Variants in ZNF385D observed in about 807,000 individuals in gnomAD.
The protein encoded by ZNF385D is zinc finger protein 659.
ZNF385D carries 15 observed loss-of-function variants against 35.8 expected under a neutral mutation model. The observed-to-expected ratio is 0.42, with a 90% CI of 0.28 to 0.64. ZNF385D has a LOEUF of 0.64. Among genes scored for constraint, ZNF385D ranks in the 30% least tolerant of loss-of-function variants. The probability of loss-of-function intolerance (pLI) is 0.23; values close to 1 mark genes in which losing one functional copy is unlikely to be tolerated. For synonymous variants in ZNF385D, 212 were observed against 186.8 expected (o/e 1.13, Z -1.10); for missense variants, 474 against 494.6 (o/e 0.96, Z 0.39).
At chr3:21,471,303 ACACAC>A (rs1559323736) in intron 4 of ZNF385D, among the ~76,000 whole-genome samples, 2 of 64,052 alleles carry the variant, frequency 3.1e-5, no homozygotes, top group African/African-American at 8.3e-5. Context: ...TCTCACACAC[ACACAC>A]ACACACACAC....
At chr3:21,950,055 C>A (rs144610034) in intron 3 of ZNF385D, among the ~76,000 whole-genome samples, 13,535 of 151,948 alleles carry the variant, frequency 0.089, 1,203 homozygotes, top group African/African-American at 0.22. Context: ...GATTTATAAT[C>A]CTTTGGGTAT....
chr3:21,702,896 T>C (rs2067744181), intron 1 of ZNF385D, among the ~76,000 whole-genome samples: 1 of 152,180 alleles, frequency 6.6e-6, no homozygotes, highest in African/African-American at 2.4e-5. Context: ...ATTGTTCATA[T>C]CACTATAAGC....
chr3:21,891,796 G>C (rs1698882463), intron 3 of ZNF385D, among the ~76,000 whole-genome samples: 1 of 152,138 alleles, frequency 6.6e-6, no homozygotes, highest in South Asian at 2.1e-4. Flanking sequence ...TATTTTTAAA[G>C]TTCTGAAGAC....
At chr3:21,755,795 T>G (rs2070313809), upstream of ZNF385D, among the ~76,000 whole-genome samples, 1 of 152,196 alleles carries the variant, frequency 6.6e-6, no homozygotes, top group Non-Finnish European at 1.5e-5. Flanking sequence ...TTGAATAAAT[T>G]TAACATCTTA....
At chr3:21,492,529 T>G (rs1409577010) in intron 4 of ZNF385D, among the ~76,000 whole-genome samples, 1 of 149,594 alleles carries the variant, frequency 6.7e-6, no homozygotes, top group Non-Finnish European at 1.5e-5. Flanking sequence ...AAACCTGTAA[T>G]CCCAGCACTT....
intron 2 of ZNF385D, among the ~76,000 whole-genome samples, chr3:21,581,298 C>T (rs143952595): frequency 1.6e-4 from 25 of 152,192 alleles, no homozygotes; most frequent in African/African-American, 6.0e-4. Context: ...ATGTATAATT[C>T]CTATCTCTCC....
chr3:22,198,155 ATATT>A (rs1376027224), intron 2 of ZNF385D, among the ~76,000 whole-genome samples: 1 of 151,480 alleles, frequency 6.6e-6, no homozygotes, highest in Non-Finnish European at 1.5e-5. Flanking sequence ...GGTTATGAGA[ATATT>A]TAAGACAAGA....
At chr3:22,116,002 A>C (rs1702791556) in intron 3 of ZNF385D, among the ~76,000 whole-genome samples, 1 of 152,048 alleles carries the variant, frequency 6.6e-6, no homozygotes, top group Non-Finnish European at 1.5e-5. Flanking sequence ...CTGGGGATAA[A>C]CTTTTACATC....
intron 2 of ZNF385D, among the ~76,000 whole-genome samples, chr3:22,278,672 C>G (rs1293014804): frequency 6.6e-6 from 1 of 152,100 alleles, no homozygotes; most frequent in African/African-American, 2.4e-5. Context: ...CATTTTCCCT[C>G]CTTGACACTC....
intron 3 of ZNF385D, among the ~76,000 whole-genome samples, chr3:22,080,882 C>T (rs73047985): frequency 0.15 from 22,913 of 151,996 alleles, 2,416 homozygotes; most frequent in Non-Finnish European, 0.21. Context: ...CTATGAACCA[C>T]GAAACAGACA....
At chr3:21,894,109 G>C (rs2125886580) in intron 3 of ZNF385D, among the ~76,000 whole-genome samples, 1 of 152,158 alleles carries the variant, frequency 6.6e-6, no homozygotes, top group Non-Finnish European at 1.5e-5. Flanking sequence ...TTTTAAACTT[G>C]CATAGTCATA....
intron 1 of ZNF385D, among the ~76,000 whole-genome samples, chr3:21,734,534 G>A (rs1165166949): frequency 6.6e-6 from 1 of 151,482 alleles, no homozygotes; most frequent in Non-Finnish European, 1.5e-5. Context: ...TGGAAATACA[G>A]TGGGGAAAAA....
At chr3:21,456,487 CA>C (rs1193803257) in intron 4 of ZNF385D, among the ~76,000 whole-genome samples, 3 of 151,900 alleles carry the variant, frequency 2.0e-5, no homozygotes, top group Admixed American at 2.0e-4. Context: ...GTCACAAGGA[CA>C]AAAAACCAAA....
At position 21,421,624 on chromosome 3, in the gene ZNF385D, A is replaced by G. The variant is rs185974853; in HGVS notation, c.955-177T>C. 7.5e-4 allele frequency among the ~76,000 whole-genome samples: 114 copies of G among 152,348 alleles called. 1 individual carries two copies. In the Middle Eastern group the frequency reaches 0.02, roughly 27 times the overall value. On this transcript the variant is annotated intron_variant, in intron 7 of 7. Transcript: ENST00000281523. ...GTATAGAACATTTTCCCTTTGGAAGAGTTGGAAGATACCTGAAAATGGCCA... is the reference window on the plus strand; with the variant it reads ...GTATAGAACATTTTCCCTTTGGAAGGGTTGGAAGATACCTGAAAATGGCCA...
At chr3:22,210,832 T>A (rs1311809005) in intron 2 of ZNF385D, among the ~76,000 whole-genome samples, 1 of 151,858 alleles carries the variant, frequency 6.6e-6, no homozygotes, top group Non-Finnish European at 1.5e-5. Context: ...GGCCAAAATA[T>A]ACTCTAAGTC....
Position 21,770,107 on chromosome 3 carries a change from C to A in ZNF385D, c.326-105079G>T, listed in dbSNP as rs924825559. On this transcript the variant is annotated intron_variant, in intron 3 of 5. Coordinates refer to the ZNF385D transcript ENST00000494108. Reference sequence around the variant, plus strand: ...TAATTCAAGATGGATTAAAGACTTACATGTTAGACCTAAAACCATACAAAC... The same window carrying A: ...TAATTCAAGATGGATTAAAGACTTAAATGTTAGACCTAAAACCATACAAAC... Among the ~76,000 whole-genome samples the A allele has an allele frequency of 3.9e-5, 6 of 152,094 alleles. No homozygotes were observed. The East Asian group carries it at 5.8e-4, about 15-fold the overall frequency.
At chr3:21,512,707 AT>A (rs1475566448) in intron 3 of ZNF385D, among the ~76,000 whole-genome samples, 1 of 152,208 alleles carries the variant, frequency 6.6e-6, no homozygotes, top group Non-Finnish European at 1.5e-5. Context: ...GCTATAGTTA[AT>A]TGAGGAACCA....
At chr3:21,769,968 C>G (rs981431378) in intron 3 of ZNF385D, among the ~76,000 whole-genome samples, 9 of 152,056 alleles carry the variant, frequency 5.9e-5, no homozygotes, top group Non-Finnish European at 8.8e-5. Flanking sequence ...ACAAAACTGA[C>G]AAAAACAAGC....
intron 3 of ZNF385D, among the ~76,000 whole-genome samples, chr3:22,101,544 C>T (rs1414960604): frequency 6.6e-6 from 1 of 151,930 alleles, no homozygotes; most frequent in African/African-American, 2.4e-5. Context: ...ATTATTACAC[C>T]CACACTGAAC....
Sources: gnomAD v4.1 joint callset for allele counts (sites outside exome capture counted in the v4.1 genomes callset) on GRCh38, gnomAD v4.1.1 for gene constraint, MANE v1.5 for transcripts, NCBI Gene and HGNC (gene_info 2026-07-23, HGNC 2026-07-21) for gene names.